STAU2: variants seen among roughly 807,000 people sequenced by gnomAD.
STAU2 encodes the protein double-stranded RNA-binding protein Staufen homolog 2.
A neutral mutation model predicts 65.9 loss-of-function variants in STAU2; 20 were observed. That is an observed-to-expected ratio of 0.30 (90% CI 0.21 to 0.44). The LOEUF is 0.44. Ranked by LOEUF, STAU2 falls within the 20% of genes least tolerant of loss-of-function variation. The pLI is 1.00. For missense variants in STAU2, 558 were observed against 683.9 expected, an observed-to-expected ratio of 0.82 and a Z score of 2.05; for synonymous variants, 232 against 233.9, an observed-to-expected ratio of 0.99 and a Z score of 0.07.
At chr8:73,609,998 G>C (rs1349646524) in intron 9 of STAU2, among the ~76,000 whole-genome samples, 1 of 152,154 alleles carries the variant, frequency 6.6e-6, no homozygotes, top group Non-Finnish European at 1.5e-5. Flanking sequence ...ATTGCTTGGG[G>C]CTGGGCACAG....
intron 13 of STAU2, among the ~76,000 whole-genome samples, chr8:73,513,897 G>C (rs909790746): frequency 5.9e-5 from 9 of 152,170 alleles, no homozygotes; most frequent in African/African-American, 2.2e-4. Context: ...GTCTGCAGGT[G>C]GGGGATGGGA....
At chr8:73,719,508 G>A (rs1476943446) in intron 3 of STAU2, among the ~76,000 whole-genome samples, 1 of 152,214 alleles carries the variant, frequency 6.6e-6, no homozygotes, top group Admixed American at 6.5e-5. Flanking sequence ...CTAGTTTGCT[G>A]AGAGTCTTTA....
chr8:73,423,870 T>C (rs1322759056), intron 13 of STAU2, among the ~76,000 whole-genome samples: 2 of 152,192 alleles, frequency 1.3e-5, no homozygotes, highest in African/African-American at 2.4e-5. Flanking sequence ...GTACATTTGT[T>C]ATAGCTGATG....
intron 13 of STAU2, among the ~76,000 whole-genome samples, chr8:73,454,094 T>C (rs1262846523): frequency 1.3e-5 from 2 of 152,246 alleles, no homozygotes; most frequent in African/African-American, 2.4e-5. Flanking sequence ...ATTTAAAAAT[T>C]AGTTATCCTT....
At chr8:73,729,313 A>C (rs1380513953) in intron 3 of STAU2, among the ~76,000 whole-genome samples, 1 of 152,102 alleles carries the variant, frequency 6.6e-6, no homozygotes, top group Non-Finnish European at 1.5e-5. Flanking sequence ...GTTTGCTAGT[A>C]TTTTGTTGAA....
At chr8:73,674,247 A>G (rs1299956544) in intron 5 of STAU2, among the ~76,000 whole-genome samples, 1 of 151,892 alleles carries the variant, frequency 6.6e-6, no homozygotes, top group Non-Finnish European at 1.5e-5. Context: ...TCAAAATTTC[A>G]TCCAAAAGGG....
At chr8:73,484,443 T>C (rs1031421075) in intron 13 of STAU2, among the ~76,000 whole-genome samples, 10 of 152,136 alleles carry the variant, frequency 6.6e-5, no homozygotes, top group Non-Finnish European at 1.3e-4. Flanking sequence ...TCTTAGTCTT[T>C]AAAACATTCT....
chr8:73,651,320 C>A, intron 6 of STAU2: 1 of 677,490 alleles, frequency 1.5e-6, no homozygotes. Flanking sequence ...GGAGCAGGTC[C>A]GTGGCTTGGA....
chr8:73,723,122 AC>A (rs1821802693), intron 3 of STAU2, among the ~76,000 whole-genome samples: 2 of 151,976 alleles, frequency 1.3e-5, no homozygotes, highest in African/African-American at 4.8e-5. Context: ...ACACACACAC[AC>A]ACATACACAC....
intron 13 of STAU2, chr8:73,527,744 C>CA (rs1285952524): frequency 6.5e-7 from 1 of 1,536,616 alleles, no homozygotes; most frequent in African/African-American, 1.4e-5. Context: ...GTCATCTGCA[C>CA]AGGGGCTAAT....
chr8:73,698,935 A>AAAG (rs1554566724), intron 4 of STAU2, among the ~76,000 whole-genome samples: 5 of 144,398 alleles, frequency 3.5e-5, no homozygotes, highest in Non-Finnish European at 6.0e-5. Flanking sequence ...AAAAAAAAAA[A>AAAG]AGAGAGAGAG....
At chr8:73,722,856 G>A (rs923197234) in intron 3 of STAU2, among the ~76,000 whole-genome samples, 1 of 152,108 alleles carries the variant, frequency 6.6e-6, no homozygotes, top group Non-Finnish European at 1.5e-5. Context: ...TTCCTACAGT[G>A]TATTTCTAGT....
chr8:73,536,612 G>A (rs1009232461), intron 13 of STAU2, among the ~76,000 whole-genome samples: 1 of 152,102 alleles, frequency 6.6e-6, no homozygotes, highest in Non-Finnish European at 1.5e-5. Flanking sequence ...ATCCCTGTTG[G>A]ATCCCTGGAC....
intron 4 of STAU2, among the ~76,000 whole-genome samples, chr8:73,693,466 C>A (rs1295642899): frequency 6.9e-6 from 1 of 144,512 alleles, no homozygotes; most frequent in Non-Finnish European, 1.5e-5. Context: ...AAGAGTGAGA[C>A]TCCGTCTCAA....
At chr8:73,746,674 TC>T (rs1265342747) in intron 1 of STAU2, 108 bp downstream of exon 1, 1 of 652,304 alleles carries the variant, frequency 1.5e-6, no homozygotes, top group Non-Finnish European at 2.2e-6. Flanking sequence ...GCTGCTTTTC[TC>T]CGGGTTCCCC....
chr8:73,558,497 C>T (rs1807950309), intron 12 of STAU2, among the ~76,000 whole-genome samples: 1 of 152,184 alleles, frequency 6.6e-6, no homozygotes, highest in African/African-American at 2.4e-5. Flanking sequence ...CCAGTTCTTA[C>T]TGAAGAGTTG....
intron 13 of STAU2, among the ~76,000 whole-genome samples, chr8:73,477,465 C>A (rs1820379843): frequency 6.6e-6 from 1 of 152,142 alleles, no homozygotes. Flanking sequence ...ATGTTAAATT[C>A]ATTTTTTATT....
intron 13 of STAU2, among the ~76,000 whole-genome samples, chr8:73,485,180 T>C: frequency 7.6e-6 from 1 of 130,844 alleles, no homozygotes; most frequent in Admixed American, 8.5e-5. Context: ...TGAGACAGAA[T>C]CTCGCTCTAT....
chr8:73,613,996 C>T (rs769187330), intron 8 of STAU2, 40 bp from the exon 9 acceptor site: 202 of 1,457,734 alleles, frequency 1.4e-4, no homozygotes, highest in Non-Finnish European at 1.8e-4. Context: ...TGGATAGGCA[C>T]TTGAGATGTA....
Sources: allele counts gnomAD v4.1 joint callset (sites outside exome capture counted in the v4.1 genomes callset), GRCh38; gene constraint gnomAD v4.1.1; transcripts MANE v1.5; gene names NCBI Gene and HGNC (gene_info 2026-07-23, HGNC 2026-07-21).